Variants in SOX5 observed in about 807,000 individuals in gnomAD.
SOX5 encodes the protein SRY-box transcription factor 5, also known as transcription factor SOX-5.
SOX5 carries 9 observed loss-of-function variants against 92.0 expected under a neutral mutation model. That is an observed-to-expected ratio of 0.10 (90% CI 0.06 to 0.17). SOX5 has a LOEUF of 0.17. SOX5 is among the 10% of genes least tolerant of loss of function. The pLI, the probability that SOX5 is intolerant of heterozygous loss-of-function variation, is 1.00. For synonymous variants in SOX5, 344 were observed against 336.3 expected, an observed-to-expected ratio of 1.02 and a Z score of -0.25; for missense variants, 642 against 944.5, an observed-to-expected ratio of 0.68 and a Z score of 4.20.
chr12:23,936,280 T>C (rs1942544635), intron 1 of SOX5, among the ~76,000 whole-genome samples: 1 of 151,044 alleles, frequency 6.6e-6, no homozygotes, highest in Non-Finnish European at 1.5e-5. Context: ...AACTCAATAG[T>C]AAAATTAAAG....
At position 23,536,549 on chromosome 12, in the gene SOX5, C is replaced by A. The variant is rs1940512202; in HGVS notation, c.1892G>T (p.Arg631Leu). ...CTTTTTGCCATCCACCAGGCAGGTG[C>A]GCTTTGGCCTGGGCTTGTACTTATA... ...PDYKYKPRPK[R>L]TCLVDGKKLR... The change falls in exon 14 of 15, where the codon CGC becomes CTC. Residue 631 changes from arginine to leucine, a missense_variant. Coordinates refer to ENST00000451604, the MANE Select transcript of SOX5 (RefSeq NM_006940.6). 6.2e-7 allele frequency: 1 copy of A among 1,614,032 alleles called. No homozygotes were observed. Among genetic ancestry groups the A allele is most frequent in the African/African-American group, 1.3e-5 (1 of 74,916 alleles).
rs531600636 is a variant in SOX5, at chr12:24,465,157, G to A, written c.-250-96518C>T. ...GGTACTACCTTCATCTTTCTCTCAC[G>A]GATGGGAAAACTGAAGTTCAGATGA... On this transcript the variant is annotated intron_variant, in intron 1 of 4. Transcript: ENST00000446891. Among the ~76,000 whole-genome samples the A allele has an allele frequency of 2.8e-4, 42 of 152,250 alleles. 1 individual carries two copies. Among genetic ancestry groups the A allele is most frequent in the African/African-American group, 8.4e-4 (35 of 41,548 alleles).
chr12:23,927,821 CTATT>C (rs368882412), intron 1 of SOX5, among the ~76,000 whole-genome samples: 128 of 152,190 alleles, frequency 8.4e-4, no homozygotes, highest in African/African-American at 3.0e-3. Flanking sequence ...AGACCAAACT[CTATT>C]TATACCTTTC....
intron 3 of SOX5, among the ~76,000 whole-genome samples, chr12:23,787,862 C>T (rs1277094408): frequency 6.6e-6 from 1 of 151,852 alleles, no homozygotes; most frequent in Non-Finnish European, 1.5e-5. Context: ...AACCATTACA[C>T]ATCAACTTTA....
At chr12:23,975,061 C>G (rs1223423997) in intron 4 of SOX5, among the ~76,000 whole-genome samples, 1 of 151,876 alleles carries the variant, frequency 6.6e-6, no homozygotes, top group Non-Finnish European at 1.5e-5. Context: ...TCGTTTTTTT[C>G]AGTTACAAAA....
At chr12:23,813,834 G>A (rs76817451) in intron 3 of SOX5, among the ~76,000 whole-genome samples, 1 of 152,028 alleles carries the variant, frequency 6.6e-6, no homozygotes, top group Non-Finnish European at 1.5e-5. Context: ...GATACTTGCC[G>A]AATTATTCTT....
chr12:23,573,801 C>CA (rs1948725513), intron 10 of SOX5, among the ~76,000 whole-genome samples: 1 of 152,050 alleles, frequency 6.6e-6, no homozygotes, highest in South Asian at 2.1e-4. Context: ...TTGGATCACT[C>CA]ATTCAGGAAG....
At chr12:24,323,311 A>G (rs1445589676) in intron 2 of SOX5, among the ~76,000 whole-genome samples, 2 of 149,296 alleles carry the variant, frequency 1.3e-5, no homozygotes, top group African/African-American at 4.9e-5. Flanking sequence ...ATATATATGT[A>G]TATATATATA....
chr12:23,824,578 A>G (rs1266114246), intron 3 of SOX5, among the ~76,000 whole-genome samples: 1 of 152,156 alleles, frequency 6.6e-6, no homozygotes, highest in Non-Finnish European at 1.5e-5. Flanking sequence ...CCCCGTCAGG[A>G]GGCACAGGTG....
In SOX5 at chr12:24,393,723, T is replaced by A. The variant is rs965077037; in HGVS notation, c.-250-25084A>T. 1.3e-5 allele frequency among the ~76,000 whole-genome samples: 2 copies of A among 152,194 alleles called. No homozygotes were observed. The highest frequency in any genetic ancestry group is 2.4e-5 in the African/African-American group (1 of 41,454). On this transcript the variant is annotated intron_variant, in intron 1 of 4. Coordinates refer to the SOX5 transcript ENST00000446891. The surrounding 1 kb of genome is among the most constrained non-coding windows in gnomAD (Gnocchi z 5.0). The stretch of plus-strand genomic sequence containing the variant: ...AAAACTTTTCTATTCTTTAAAAAAT[T>A]ATGACACAATACTATCTTCCATTTG...
Position 23,671,459 on chromosome 12 carries a change from T to C in SOX5, c.811-5895A>G, listed in dbSNP as rs1335727940. Among the ~76,000 whole-genome samples, 4 of 151,956 alleles carry C rather than the reference T, an allele frequency of 2.6e-5. No individual in the cohort carries two copies. In the East Asian group the frequency reaches 7.7e-4, roughly 29 times the overall value. On this transcript the variant is annotated intron_variant, in intron 6 of 14. Coordinates refer to ENST00000451604, the MANE Select transcript of SOX5 (RefSeq NM_006940.6). ...CAATACACAGCAGTTTCTGAGCAAATGAAGAATAAAATATCCAAATGAGAT... is the reference window on the plus strand; with the variant it reads ...CAATACACAGCAGTTTCTGAGCAAACGAAGAATAAAATATCCAAATGAGAT...
chr12:24,251,029 C>T (rs1939932514), intron 3 of SOX5, among the ~76,000 whole-genome samples: 1 of 152,146 alleles, frequency 6.6e-6, no homozygotes, highest in African/African-American at 2.4e-5. Flanking sequence ...GACCAACATC[C>T]AAGACTAAAT....
At chr12:24,375,457 G>A (rs967451345) in intron 1 of SOX5, among the ~76,000 whole-genome samples, 6 of 151,888 alleles carry the variant, frequency 4.0e-5, no homozygotes, top group African/African-American at 1.2e-4. Context: ...GAATAAGGCC[G>A]GGTGCGGTGG....
At chr12:23,743,550 T>TCC (rs2141035849) in intron 4 of SOX5, among the ~76,000 whole-genome samples, 1 of 152,232 alleles carries the variant, frequency 6.6e-6, no homozygotes, top group African/African-American at 2.4e-5. Context: ...GTCCTCGTGA[T>TCC]CCTCCCGCCT....
At chr12:24,298,864 T>C (rs1947623070) in intron 2 of SOX5, among the ~76,000 whole-genome samples, 1 of 149,088 alleles carries the variant, frequency 6.7e-6, no homozygotes, top group Non-Finnish European at 1.5e-5. Context: ...AGTACGTAAA[T>C]AGCCAGGAGT....
In SOX5 at chr12:24,155,203, C is replaced by G. The variant is rs896298995; in HGVS notation, c.-2+58140G>C. ...ATTATTTTCAGGGGTTTCATGCAAA[C>G]AAATTACACATACATCAACCTATGT... On this transcript the variant is annotated intron_variant, in intron 4 of 4. Transcript: ENST00000446891. Among the ~76,000 whole-genome samples the G allele has an allele frequency of 9.2e-5, 14 of 152,102 alleles. 1 individual carries two copies. The South Asian group carries it at 2.1e-3, about 23-fold the overall frequency.
chr12:24,220,931 T>G (rs1960251275), intron 3 of SOX5, among the ~76,000 whole-genome samples: 1 of 146,888 alleles, frequency 6.8e-6, no homozygotes, highest in Non-Finnish European at 1.5e-5. Context: ...CTTATTGTGT[T>G]TCGTGTTAGA....
At chr12:23,896,398 A>G (rs1041564591) in intron 1 of SOX5, among the ~76,000 whole-genome samples, 3 of 152,194 alleles carry the variant, frequency 2.0e-5, no homozygotes, top group African/African-American at 7.2e-5. Context: ...TGAATAGCAA[A>G]TACTGTTGGC....
chr12:24,270,199 T>C lies in SOX5; in HGVS notation c.-77+7017A>G, dbSNP rs571304605. ...CCTTAGCCTCCCGAGTGGCTGAGATTACAGGCACCCACCATCACACCCAGC... is the reference window on the plus strand; with the variant it reads ...CCTTAGCCTCCCGAGTGGCTGAGATCACAGGCACCCACCATCACACCCAGC... On this transcript the variant is annotated intron_variant, in intron 3 of 4. Coordinates refer to the SOX5 transcript ENST00000446891. Among the ~76,000 whole-genome samples the C allele has an allele frequency of 1.3e-3, 192 of 152,186 alleles. 1 individual carries two copies. The highest frequency in any genetic ancestry group is 4.4e-3 in the African/African-American group (181 of 41,514).
Sources: allele counts gnomAD v4.1 joint callset (sites outside exome capture counted in the v4.1 genomes callset), GRCh38; gene constraint gnomAD v4.1.1; non-coding constraint Gnocchi (gnomAD v3.1); transcripts MANE v1.5; gene names NCBI Gene and HGNC (gene_info 2026-07-23, HGNC 2026-07-21).